ZMYM6: variants seen among roughly 807,000 people sequenced by gnomAD.
ZMYM6 encodes the protein zinc finger MYM-type containing 6.
In ZMYM6, 90 loss-of-function variants were observed where a neutral mutation model predicts 134.0. The ratio of observed to expected loss-of-function variants is 0.67; its 90% CI spans 0.57 to 0.80. The LOEUF is 0.80. ZMYM6 is among the 30% of genes least tolerant of loss of function. The pLI, the probability that ZMYM6 is intolerant of heterozygous loss-of-function variation, is 0.00. For missense variants in ZMYM6, 1,362 were observed against 1,533.9 expected, an observed-to-expected ratio of 0.89 and a Z score of 1.87; for synonymous variants, 481 against 524.1, an observed-to-expected ratio of 0.92 and a Z score of 1.12.
chr1:35,008,782 A>G lies in ZMYM6; in HGVS notation c.1635T>C (p.Cys545=). The change falls in exon 11 of 16, where the codon TGT becomes TGC. Residue 545 remains cysteine (C), a synonymous_variant. Coordinates refer to ENST00000357182, the MANE Select transcript of ZMYM6 (RefSeq NM_007167.4). ...GKLEEFCCED[C]MSKFTVLFYQ... ...AAAACAGAACTGTAAATTTGGACATACAATCTTCACAACAAAACTCTTCTA... is the reference window on the plus strand; with the variant it reads ...AAAACAGAACTGTAAATTTGGACATGCAATCTTCACAACAAAACTCTTCTA... The G allele has an allele frequency of 6.2e-7, 1 of 1,614,090 alleles. No individual in the cohort carries two copies. The highest frequency in any genetic ancestry group is 8.5e-7 in the Non-Finnish European group (1 of 1,179,990).
At position 35,005,165 on chromosome 1, in the gene ZMYM6, A is replaced by C. The variant is rs1340692949; in HGVS notation, c.1921T>G (p.Leu641Val). Residue 641 changes from leucine to valine, a missense_variant, in exon 13 of 16, where the codon TTA (leucine) becomes GTA (valine). Physicochemically the swap from Leu to Val is conservative, Grantham distance 32 (BLOSUM62 1). Around this residue, in one of 3 missense-constraint regions of ZMYM6, gnomAD observed 824 missense variants for 940.9 expected, o/e 0.88. Coordinates refer to ENST00000357182, the MANE Select transcript of ZMYM6 (RefSeq NM_007167.4). ...VMSLAKIPAT[L>V]STGNTNSVLK... Reference sequence around the variant, plus strand: ...ACACTGTTAGTGTTCCCTGTAGATAAGGTAGCAGGTATTTTTGCCAATGAC... The same window carrying C: ...ACACTGTTAGTGTTCCCTGTAGATACGGTAGCAGGTATTTTTGCCAATGAC... The C allele has an allele frequency of 6.2e-7, 1 of 1,614,170 alleles. No homozygotes were observed. Among genetic ancestry groups the C allele is most frequent in the Non-Finnish European group, 8.5e-7 (1 of 1,180,002 alleles).
chr1:34,996,559 T>C (rs1186235496), intron 14 of ZMYM6, among the ~76,000 whole-genome samples: 1 of 152,224 alleles, frequency 6.6e-6, no homozygotes, highest in Non-Finnish European at 1.5e-5. Context: ...TCTATACATA[T>C]ATACAAGTGT....
chr1:35,007,663 C>T (rs1641009481), intron 11 of ZMYM6, among the ~76,000 whole-genome samples: 1 of 151,720 alleles, frequency 6.6e-6, no homozygotes, highest in Non-Finnish European at 1.5e-5. Context: ...AGGTTCATAA[C>T]TGGGCATGGT....
chr1:34,997,629 A>G (rs939488332), intron 14 of ZMYM6, among the ~76,000 whole-genome samples: 5 of 152,184 alleles, frequency 3.3e-5, no homozygotes, highest in African/African-American at 4.8e-5. Context: ...ACATATTAAA[A>G]AACACTAGAT....
intron 2 of ZMYM6, among the ~76,000 whole-genome samples, chr1:35,022,272 GTTTT>G (rs892256778): frequency 6.7e-6 from 1 of 148,982 alleles, no homozygotes; most frequent in Non-Finnish European, 1.5e-5. Context: ...TCTCTGTTTT[GTTTT>G]TTTTTTCTTT....
rs748164145 is a variant in ZMYM6, at chr1:34,992,345, A to G, written c.2035T>C (p.Ser679Pro). 1.2e-6 allele frequency: 2 copies of G among 1,614,084 alleles called. No homozygotes were observed. The highest frequency in any genetic ancestry group is 8.5e-7 in the Non-Finnish European group (1 of 1,179,966). ...EDAMKFPSSQ[S>P]SQPSRLLKNK... ...TTTAAAAGCCTGGAAGGCTGGGAAGATTGGGAAGATGGAAATTTCATAGCA... is the reference window on the plus strand; with the variant it reads ...TTTAAAAGCCTGGAAGGCTGGGAAGGTTGGGAAGATGGAAATTTCATAGCA... Residue 679 changes from serine (S) to proline (P), a missense_variant, in exon 15 of 16, where the codon TCT becomes CCT. This residue lies in a region of ZMYM6 where 824 missense variants were observed against 940.9 expected (regional missense o/e 0.88). Transcript: ENST00000357182.
chr1:35,006,233 C>T (rs1401358502), intron 12 of ZMYM6, among the ~76,000 whole-genome samples: 1 of 152,210 alleles, frequency 6.6e-6, no homozygotes, highest in African/African-American at 2.4e-5. Context: ...GTCTCGAACT[C>T]CTGGCCTCAA....
At chr1:35,005,001 T>C in intron 13 of ZMYM6, 131 bp downstream of exon 13, 2 of 1,021,704 alleles carry the variant, frequency 2.0e-6, no homozygotes, top group Non-Finnish European at 2.8e-6. Context: ...GTGGTTGCAG[T>C]GAGTTGAGAT....
chr1:35,022,286 T>C (rs1641325913), intron 2 of ZMYM6, among the ~76,000 whole-genome samples: 1 of 152,188 alleles, frequency 6.6e-6, no homozygotes, highest in Non-Finnish European at 1.5e-5. Context: ...TTTTTTTCTT[T>C]TTGAGACGGA....
intron 1 of ZMYM6, 193 bp from the exon 2 acceptor site, chr1:35,030,906 C>T: frequency 2.1e-6 from 1 of 468,668 alleles, no homozygotes; most frequent in Non-Finnish European, 3.7e-6. Context: ...TTTGGGGCAA[C>T]AGCTCCCACT....
chr1:35,030,941 A>G (rs1473380923), intron 1 of ZMYM6, among the ~76,000 whole-genome samples: 1 of 152,172 alleles, frequency 6.6e-6, no homozygotes, highest in African/African-American at 2.4e-5. Flanking sequence ...AAAGACACAC[A>G]ACACACTCTG....
At chr1:35,017,799 C>T (rs1290738673) in intron 4 of ZMYM6, 1 of 152,118 alleles carries the variant, frequency 6.6e-6, no homozygotes, top group Non-Finnish European at 1.5e-5. Context: ...AATCTGTCTC[C>T]TAACCTTATG....
chr1:35,030,389 C>T (rs1241963619), intron 2 of ZMYM6, 158 bp downstream of exon 2: 1 of 649,152 alleles, frequency 1.5e-6, no homozygotes, highest in Non-Finnish European at 2.6e-6. Context: ...CTAAGGAGAT[C>T]GCACCACTGC....
At chr1:34,991,105 C>G (rs1040379827) in intron 15 of ZMYM6, among the ~76,000 whole-genome samples, 1 of 152,144 alleles carries the variant, frequency 6.6e-6, no homozygotes, top group Non-Finnish European at 1.5e-5. Context: ...CTCAGGTGAT[C>G]CGCCCATGTT....
chr1:35,027,189 G>C (rs143968414), intron 2 of ZMYM6, among the ~76,000 whole-genome samples: 22 of 152,304 alleles, frequency 1.4e-4, no homozygotes, highest in Non-Finnish European at 3.1e-4. Flanking sequence ...TGAGTGAACT[G>C]CAAATAGCTG....
chr1:35,000,531 G>A (rs995807375), intron 14 of ZMYM6, among the ~76,000 whole-genome samples: 10 of 151,986 alleles, frequency 6.6e-5, no homozygotes, highest in African/African-American at 1.7e-4. Flanking sequence ...GAGCCACCGC[G>A]CCTAACTGCA....
chr1:35,026,064 AGATTGG>A (rs1357333761), intron 2 of ZMYM6, among the ~76,000 whole-genome samples: 32 of 152,270 alleles, frequency 2.1e-4, no homozygotes, highest in African/African-American at 7.5e-4. Flanking sequence ...TTTGTCGTCC[AGATTGG>A]AGTGCAGTGG....
chr1:35,004,556 C>T (rs1039586336), intron 13 of ZMYM6, among the ~76,000 whole-genome samples: 1 of 151,680 alleles, frequency 6.6e-6, no homozygotes, highest in Non-Finnish European at 1.5e-5. Flanking sequence ...TTGCAGTGAG[C>T]CCAGATTGCG....
At chr1:35,025,326 G>T (rs556560192) in intron 2 of ZMYM6, among the ~76,000 whole-genome samples, 9 of 151,906 alleles carry the variant, frequency 5.9e-5, no homozygotes, top group Admixed American at 2.0e-4. Flanking sequence ...AATTAGCCAG[G>T]TGTGGTGGTG....
Sources: allele counts gnomAD v4.1 joint callset (sites outside exome capture counted in the v4.1 genomes callset), GRCh38; gene constraint gnomAD v4.1.1; regional missense constraint gnomAD v4.1.1; transcripts MANE v1.5; gene names NCBI Gene and HGNC (gene_info 2026-07-23, HGNC 2026-07-21).